The following LTBP1 variants were observed in gnomAD, a reference collection of about 807,000 sequenced individuals.
LTBP1 encodes latent-transforming growth factor beta-binding protein 1.
LTBP1 carries 129 observed loss-of-function variants against 207.6 expected under a neutral mutation model. The ratio of observed to expected loss-of-function variants is 0.62; its 90% confidence interval spans 0.54 to 0.72. The LOEUF (loss-of-function observed/expected upper bound fraction) is 0.72, where lower values mean the gene tolerates loss of function less well. LTBP1 is among the 30% of genes least tolerant of loss of function. The pLI is 0.00. For missense variants in LTBP1, 2,281 were observed against 2,217.2 expected (o/e 1.03, Z -0.58); for synonymous variants, 963 against 833.7 (o/e 1.16, Z -2.67).
chr2:33,144,187 T>G (rs1466512015), intron 5 of LTBP1, among the ~76,000 whole-genome samples: 1 of 152,112 alleles, frequency 6.6e-6, no homozygotes, highest in East Asian at 1.9e-4. Context: ...TTGCTTTATT[T>G]ACTGATCCTA....
At position 33,394,029 on chromosome 2, in the gene LTBP1, C is replaced by T. The variant is rs373317969; in HGVS notation, c.4835-3104C>T. Among the ~76,000 whole-genome samples, 4 of 151,766 alleles carry T rather than the reference C, an allele frequency of 2.6e-5. No individual in the cohort carries two copies. The South Asian group carries it at 6.3e-4, about 24-fold the overall frequency. ...TCTCATTGTGGTTTTGATTTGCATT[C>T]CTCTGATGGCCAGTGATGATGAGCA... On this transcript the variant is annotated intron_variant, in intron 32 of 33. Transcript: ENST00000404816.
intron 9 of LTBP1, among the ~76,000 whole-genome samples, chr2:33,232,022 G>A (rs1220405494): frequency 6.6e-6 from 1 of 152,140 alleles, no homozygotes; most frequent in African/African-American, 2.4e-5. Context: ...TGAAAATAAG[G>A]AAAAGTAAAA....
At chr2:33,084,834 A>T (rs2078657332) in intron 3 of LTBP1, among the ~76,000 whole-genome samples, 2 of 152,110 alleles carry the variant, frequency 1.3e-5, no homozygotes, top group Admixed American at 1.3e-4. Context: ...GTCCACCATG[A>T]TCCAGTTTGT....
At chr2:33,046,686 G>A (rs1222994512) in intron 3 of LTBP1, among the ~76,000 whole-genome samples, 1 of 152,166 alleles carries the variant, frequency 6.6e-6, no homozygotes, top group Non-Finnish European at 1.5e-5. Flanking sequence ...CAGAAGGAAT[G>A]GTACCAGCTC....
intron 5 of LTBP1, among the ~76,000 whole-genome samples, chr2:33,145,667 C>T (rs899576772): frequency 2.6e-5 from 4 of 151,976 alleles, no homozygotes; most frequent in African/African-American, 7.3e-5. Flanking sequence ...ATTGGGTGTA[C>T]ACAGAGGGTA....
At chr2:33,235,854 G>A (rs1356682763) in intron 9 of LTBP1, among the ~76,000 whole-genome samples, 1 of 152,162 alleles carries the variant, frequency 6.6e-6, no homozygotes, top group Non-Finnish European at 1.5e-5. Flanking sequence ...GTTGAACAGT[G>A]AGATTACATG....
intron 31 of LTBP1, among the ~76,000 whole-genome samples, chr2:33,379,166 G>A (rs1229054749): frequency 2.0e-5 from 3 of 147,910 alleles, no homozygotes; most frequent in African/African-American, 7.5e-5. Context: ...TACTAGGTTG[G>A]TGCAAAAGTA....
At chr2:33,300,890 A>C (rs994815777) in intron 21 of LTBP1, among the ~76,000 whole-genome samples, 1 of 152,202 alleles carries the variant, frequency 6.6e-6, no homozygotes, top group African/African-American at 2.4e-5. Flanking sequence ...AAGTTTTTAT[A>C]TACTTGGATT....
At chr2:33,384,994 C>A (rs773850357) in intron 31 of LTBP1, among the ~76,000 whole-genome samples, 2 of 152,008 alleles carry the variant, frequency 1.3e-5, no homozygotes, top group Admixed American at 1.3e-4. Flanking sequence ...TTCTATAAAC[C>A]TATTCTCTTC....
intron 19 of LTBP1, among the ~76,000 whole-genome samples, chr2:33,281,533 A>G (rs2093559502): frequency 6.6e-6 from 1 of 152,210 alleles, no homozygotes; most frequent in Non-Finnish European, 1.5e-5. Context: ...CTTCATTCTC[A>G]TAGCCCTGGG....
chr2:33,127,974 T>C (rs147873739), intron 4 of LTBP1, among the ~76,000 whole-genome samples: 507 of 152,304 alleles, frequency 3.3e-3, no homozygotes, highest in Non-Finnish European at 5.4e-3. Context: ...AGGGGCTTAC[T>C]TTCCCTTAAG....
At chr2:33,331,420 A>G (rs1484254338) in intron 24 of LTBP1, among the ~76,000 whole-genome samples, 1 of 151,970 alleles carries the variant, frequency 6.6e-6, no homozygotes, top group East Asian at 1.9e-4. Flanking sequence ...GTATTTTGTT[A>G]TTTACATAAA....
At chr2:33,242,144 G>A (rs1016922507) in intron 9 of LTBP1, among the ~76,000 whole-genome samples, 7 of 152,086 alleles carry the variant, frequency 4.6e-5, no homozygotes, top group African/African-American at 1.4e-4. Context: ...TATAGATCAC[G>A]ATGCCTACTT....
At chr2:33,015,273 A>AG (rs1309853315) in intron 2 of LTBP1, among the ~76,000 whole-genome samples, 1 of 152,228 alleles carries the variant, frequency 6.6e-6, no homozygotes, top group Non-Finnish European at 1.5e-5. Context: ...ATTTTGATGG[A>AG]AAAACATCTG....
intron 4 of LTBP1, among the ~76,000 whole-genome samples, chr2:33,126,411 G>C (rs1361214793): frequency 1.3e-5 from 2 of 152,112 alleles, no homozygotes; most frequent in Non-Finnish European, 2.9e-5. Flanking sequence ...TGTCCAAGGG[G>C]AGATTAGACT....
intron 2 of LTBP1, among the ~76,000 whole-genome samples, chr2:32,967,373 G>A (rs1358152809): frequency 6.6e-6 from 1 of 151,746 alleles, no homozygotes; most frequent in East Asian, 1.9e-4. Flanking sequence ...GATTTAATTT[G>A]CTGCTCTTTT....
chr2:33,324,839 C>G (rs1048255994), intron 24 of LTBP1, among the ~76,000 whole-genome samples: 1 of 151,468 alleles, frequency 6.6e-6, no homozygotes, highest in Non-Finnish European at 1.5e-5. Context: ...GTAGCTGGGA[C>G]TACAGGCATG....
intron 10 of LTBP1, among the ~76,000 whole-genome samples, chr2:33,244,054 TGAAAA>T (rs758442551): frequency 9.8e-5 from 15 of 152,322 alleles, no homozygotes; most frequent in South Asian, 2.1e-4. Context: ...TATGCTTTGA[TGAAAA>T]GAAAAGAGAG....
At chr2:33,121,700 C>T (rs1038455208) in intron 4 of LTBP1, among the ~76,000 whole-genome samples, 5 of 152,200 alleles carry the variant, frequency 3.3e-5, no homozygotes, top group African/African-American at 7.2e-5. Flanking sequence ...AATCCTCCCC[C>T]AAACAAAATC....
Sources: gnomAD v4.1 joint callset for allele counts (sites outside exome capture counted in the v4.1 genomes callset) on GRCh38, gnomAD v4.1.1 for gene constraint, MANE v1.5 for transcripts, NCBI Gene and HGNC (gene_info 2026-07-23, HGNC 2026-07-21) for gene names.